VPS39: variants seen among roughly 807,000 people sequenced by gnomAD.
The protein encoded by VPS39 is VPS39 subunit of HOPS complex.
In VPS39, 70 loss-of-function variants were observed where a neutral mutation model predicts 121.0. The ratio of observed to expected loss-of-function variants is 0.58; its 90% CI spans 0.48 to 0.71. The LOEUF (loss-of-function observed/expected upper bound fraction) is 0.71. VPS39 is among the 30% of genes least tolerant of loss of function. The pLI is 0.00. For missense variants in VPS39, 818 were observed against 1,051.5 expected, an observed-to-expected ratio of 0.78 and a Z score of 3.07; for synonymous variants, 378 against 398.1, an observed-to-expected ratio of 0.95 and a Z score of 0.60.
At chr15:42,191,471 T>C (rs920212800) in intron 3 of VPS39, 25 bp downstream of exon 3, 1 of 1,608,928 alleles carries the variant, frequency 6.2e-7, no homozygotes, top group Non-Finnish European at 8.5e-7. Context: ...CAAATATTCT[T>C]GTAAGGACTG....
intron 18 of VPS39, 186 bp from the exon 19 acceptor site, chr15:42,164,672 G>T: frequency 1.4e-6 from 2 of 1,434,602 alleles, no homozygotes; most frequent in Non-Finnish European, 1.8e-6. Context: ...TCAGCTTACG[G>T]TTAAAAAAAT....
At position 42,159,926 on chromosome 15, in the gene VPS39, A is replaced by C. The variant is rs2049096916; in HGVS notation, c.*828T>G. ...CGCATACCCCAGACAGGGCAGGCCC[A>C]TCCTCAGGAGCTGCAGTCACACTCA... On this transcript the variant is annotated 3_prime_UTR_variant, in exon 25 of 25. Coordinates refer to ENST00000318006, the MANE Select transcript of VPS39 (RefSeq NM_015289.5). 1 of 152,312 alleles carries C rather than the reference A, an allele frequency of 6.6e-6. No individual in the cohort carries two copies. The highest frequency in any genetic ancestry group is 2.4e-5 in the African/African-American group (1 of 41,472). 9.4% of individuals were successfully genotyped at this position (152,312 alleles called of 1,614,324 possible).
chr15:42,182,403 A>C (rs1469977128), intron 8 of VPS39, among the ~76,000 whole-genome samples: 4 of 152,356 alleles, frequency 2.6e-5, no homozygotes, highest in East Asian at 1.9e-4. Flanking sequence ...TTTGGTTGTC[A>C]TATCTTTTGT....
chr15:42,164,847 T>C (rs2140837166), intron 18 of VPS39, 149 bp downstream of exon 18: 1 of 1,451,358 alleles, frequency 6.9e-7, no homozygotes, highest in Non-Finnish European at 9.0e-7. Context: ...GCCAGGCTTG[T>C]GTCACTTAGC....
Position 42,162,449 on chromosome 15 carries a change from C to T in VPS39, c.2208G>A (p.Ser736=), listed in dbSNP as rs751808859. ...GCCCCAGGCAGTGAATGCTGGGGGG[C>T]GACAGGTACATCCGAAGCAGGGACA... The part of the protein sequence containing the change: ...VYLSLLRMYL[S]PPSIHCLGPI... Residue 736 remains serine (S), a synonymous_variant, in exon 22 of 25, where the codon TCG becomes TCA. Transcript: ENST00000318006. 1.2e-5 allele frequency: 19 copies of T among 1,610,954 alleles called. No homozygotes were observed. The highest frequency in any genetic ancestry group is 1.7e-5 in the Admixed American group (1 of 59,668).
chr15:42,184,657 T>C lies in VPS39; in HGVS notation c.578A>G (p.Lys193Arg). ...AGGTGCAACTAAGGGCTCCAGCTGT[T>C]TTCCTGTTGGAAAGAGCTCTTTGAT... ...GSIKELFPTG[K>R]QLEPLVAPLA... is the part of the protein sequence containing the mutation. Residue 193 changes from lysine (K) to arginine (R), a missense_variant, in exon 8 of 25, where the codon AAA becomes AGA. Coordinates refer to ENST00000318006, the MANE Select transcript of VPS39 (RefSeq NM_015289.5). 1 of 1,614,036 alleles carries C rather than the reference T, an allele frequency of 6.2e-7. No homozygotes were observed. The highest frequency in any genetic ancestry group is 8.5e-7 in the Non-Finnish European group (1 of 1,179,968).
At chr15:42,170,075 A>G (rs1469251320) in intron 11 of VPS39, among the ~76,000 whole-genome samples, 1 of 152,204 alleles carries the variant, frequency 6.6e-6, no homozygotes, top group East Asian at 1.9e-4. Flanking sequence ...CATCACAAAA[A>G]TGCCTGACTA....
In VPS39 at chr15:42,208,148, G is replaced by A; in HGVS notation, c.6C>T (p.His2=). ...GGATCGGCACTGGCTCGAAAGCGTC[G>A]TGCATGGCGGCAAGGGGAGAGTTGC... is the stretch of plus-strand genomic sequence containing the variant. M[H]DAFEPVPILE... The change falls in exon 1 of 25, where the codon CAC becomes CAT. Residue 2 remains histidine (H), a synonymous_variant. Coordinates refer to ENST00000318006, the MANE Select transcript of VPS39 (RefSeq NM_015289.5). 1 of 1,571,812 alleles carries A rather than the reference G, an allele frequency of 6.4e-7. No homozygotes were observed. Among genetic ancestry groups the A allele is most frequent in the Non-Finnish European group, 8.6e-7 (1 of 1,158,518 alleles).
chr15:42,168,996 G>A (rs754374407), intron 12 of VPS39, among the ~76,000 whole-genome samples: 5 of 152,122 alleles, frequency 3.3e-5, no homozygotes, highest in Non-Finnish European at 5.9e-5. Context: ...AGAAATCTAG[G>A]GTTAAGAGAC....
chr15:42,160,828 C>T lies in VPS39; in HGVS notation c.2554G>A (p.Ala852Thr), dbSNP rs752080502. The change falls in exon 25 of 25, where the codon GCA becomes ACA. Residue 852 changes from alanine to threonine, a missense_variant and splice_region_variant. Physicochemically the swap from Ala to Thr is moderately conservative, Grantham distance 58. Coordinates refer to ENST00000318006, the MANE Select transcript of VPS39 (RefSeq NM_015289.5). ...MVCKKKIGNS[A>T]FARYPNGVVV... Reference sequence around the variant, plus strand: ...ACTCCATTGGGGTATCTTGCAAATGCACTGCAGGGAAGAAAATGGCTTGGG... The same window carrying T: ...ACTCCATTGGGGTATCTTGCAAATGTACTGCAGGGAAGAAAATGGCTTGGG... 1 of 1,614,052 alleles carries T rather than the reference C, an allele frequency of 6.2e-7. No individual in the cohort carries two copies. Among genetic ancestry groups the T allele is most frequent in the Non-Finnish European group, 8.5e-7 (1 of 1,179,930 alleles).
At chr15:42,167,806 G>A (rs1290761352) in intron 12 of VPS39, among the ~76,000 whole-genome samples, 1 of 152,100 alleles carries the variant, frequency 6.6e-6, no homozygotes, top group Non-Finnish European at 1.5e-5. Context: ...TATTTTACAG[G>A]TGAGGAACCC....
At chr15:42,179,310 C>G (rs890917252) in intron 8 of VPS39, among the ~76,000 whole-genome samples, 1 of 151,976 alleles carries the variant, frequency 6.6e-6, no homozygotes, top group Non-Finnish European at 1.5e-5. Context: ...TGGCTCACGC[C>G]TGTAATCCTA....
At chr15:42,204,699 T>A (rs1292051629) in intron 1 of VPS39, among the ~76,000 whole-genome samples, 4 of 152,064 alleles carry the variant, frequency 2.6e-5, no homozygotes, top group Non-Finnish European at 5.9e-5. Flanking sequence ...AAATTAAATT[T>A]TATTTGTTTT....
At chr15:42,173,939 C>T in intron 10 of VPS39, 87 bp from the exon 11 acceptor site, 16 of 1,497,592 alleles carry the variant, frequency 1.1e-5, no homozygotes, top group East Asian at 4.8e-5. Context: ...ATGCTAGGAG[C>T]TACAGACACC....
intron 2 of VPS39, among the ~76,000 whole-genome samples, chr15:42,195,230 C>G (rs1437338552): frequency 6.6e-6 from 1 of 152,110 alleles, no homozygotes; most frequent in African/African-American, 2.4e-5. Flanking sequence ...CACTTGAGGT[C>G]AGGAATTCCA....
At chr15:42,197,708 G>A (rs1028563103) in intron 2 of VPS39, among the ~76,000 whole-genome samples, 5 of 152,122 alleles carry the variant, frequency 3.3e-5, no homozygotes, top group Non-Finnish European at 7.4e-5. Context: ...TGAGCTCCAG[G>A]GAAATGACTC....
rs186778894 is a variant in VPS39, at chr15:42,177,549, G to T, written c.960+669C>A. Among the ~76,000 whole-genome samples the T allele has an allele frequency of 9.9e-5, 15 of 152,274 alleles. No homozygotes were observed. The East Asian group carries it at 2.9e-3, about 29-fold the overall frequency. On this transcript the variant is annotated intron_variant, in intron 10 of 24. Coordinates refer to ENST00000318006, the MANE Select transcript of VPS39 (RefSeq NM_015289.5). ...AGGAATTTTGAGGGGTCCTCTAGTT[G>T]TTGCATTCAACTTTACTATAACAGT...
intron 13 of VPS39, among the ~76,000 whole-genome samples, chr15:42,167,170 C>T (rs2049260261): frequency 6.6e-6 from 1 of 152,198 alleles, no homozygotes; most frequent in African/African-American, 2.4e-5. Context: ...AACTGCAATC[C>T]GACCAGAGAA....
intron 21 of VPS39, among the ~76,000 whole-genome samples, chr15:42,162,873 C>T (rs1203111751): frequency 2.0e-5 from 3 of 152,172 alleles, no homozygotes; most frequent in African/African-American, 7.2e-5. Context: ...CACAGGCTTT[C>T]GCAACCTCAG....
Sources: allele counts gnomAD v4.1 joint callset (sites outside exome capture counted in the v4.1 genomes callset), GRCh38; gene constraint gnomAD v4.1.1; transcripts MANE v1.5; gene names NCBI Gene and HGNC (gene_info 2026-07-23, HGNC 2026-07-21).